The following XKR6 variants were observed in gnomAD, a reference collection of about 807,000 sequenced individuals.
XKR6 encodes the protein XK related 6.
A neutral mutation model predicts 56.7 loss-of-function variants in XKR6; 22 were observed. That is an observed-to-expected ratio of 0.39 (90% CI 0.28 to 0.55). XKR6 has a LOEUF of 0.55. XKR6 is among the 20% of genes least tolerant of loss of function. XKR6 has a pLI of 0.66. For missense variants in XKR6, 852 were observed against 889.0 expected, an observed-to-expected ratio of 0.96 and a Z score of 0.53; for synonymous variants, 524 against 387.8, an observed-to-expected ratio of 1.35 and a Z score of -4.13.
intron 1 of XKR6, among the ~76,000 whole-genome samples, chr8:11,153,717 T>A (rs73530525): frequency 0.026 from 3,988 of 152,328 alleles, 74 homozygotes; most frequent in African/African-American, 0.05. Context: ...CTTTTGAATA[T>A]CTCAGTAATG....
intron 1 of XKR6, among the ~76,000 whole-genome samples, chr8:11,185,220 A>G (rs1472552858): frequency 6.6e-6 from 1 of 152,202 alleles, no homozygotes; most frequent in African/African-American, 2.4e-5. Flanking sequence ...ACCAGGTGGA[A>G]TAAGTGGGTA....
intron 1 of XKR6, among the ~76,000 whole-genome samples, chr8:11,130,150 A>C (rs1031185784): frequency 1.3e-5 from 2 of 152,132 alleles, no homozygotes; most frequent in Non-Finnish European, 1.5e-5. Context: ...TTTGGCATTT[A>C]AGGAAATAAC....
chr8:11,015,610 T>C (rs577134301), intron 1 of XKR6, among the ~76,000 whole-genome samples: 1 of 152,296 alleles, frequency 6.6e-6, no homozygotes, highest in East Asian at 1.9e-4. Context: ...TCTGGGCTTC[T>C]CCGGCCTCAG....
At chr8:11,052,861 G>C (rs1359428261) in intron 1 of XKR6, among the ~76,000 whole-genome samples, 1 of 152,118 alleles carries the variant, frequency 6.6e-6, no homozygotes, top group Non-Finnish European at 1.5e-5. Flanking sequence ...CCCTAGCAGG[G>C]GCTAAACTCT....
chr8:11,035,928 C>T (rs1327453702), intron 1 of XKR6, among the ~76,000 whole-genome samples: 1 of 150,194 alleles, frequency 6.7e-6, no homozygotes, highest in African/African-American at 2.5e-5. Context: ...AGTTGAGTTA[C>T]CTGTGAAAGT....
chr8:11,074,066 G>C (rs576813816), intron 1 of XKR6, among the ~76,000 whole-genome samples: 1 of 152,362 alleles, frequency 6.6e-6, no homozygotes, highest in African/African-American at 2.4e-5. Flanking sequence ...AGGAATTGGA[G>C]ACTTTCAGTT....
intron 1 of XKR6, among the ~76,000 whole-genome samples, chr8:10,976,138 T>C (rs1209345960): frequency 6.6e-6 from 1 of 151,518 alleles, no homozygotes; most frequent in Non-Finnish European, 1.5e-5. Context: ...ATCGTGCCAC[T>C]GCACTCCAGC....
intron 1 of XKR6, among the ~76,000 whole-genome samples, chr8:11,000,676 C>T (rs568902817): frequency 6.6e-6 from 1 of 152,226 alleles, no homozygotes; most frequent in East Asian, 1.9e-4. Context: ...GAGAGCCAGA[C>T]TCTATCTCAA....
intron 1 of XKR6, among the ~76,000 whole-genome samples, chr8:11,087,843 C>T (rs764759738): frequency 6.6e-6 from 1 of 152,126 alleles, no homozygotes; most frequent in Non-Finnish European, 1.5e-5. Flanking sequence ...TAGAAATGCT[C>T]GAGGAGAAGG....
At chr8:10,921,649 G>A (rs945829229) in intron 2 of XKR6, among the ~76,000 whole-genome samples, 2 of 152,164 alleles carry the variant, frequency 1.3e-5, no homozygotes, top group Non-Finnish European at 2.9e-5. Flanking sequence ...TATAAGTGGT[G>A]ACCAGGTCCT....
chr8:11,001,638 G>A (rs1226980342), intron 1 of XKR6, among the ~76,000 whole-genome samples: 1 of 152,202 alleles, frequency 6.6e-6, no homozygotes, highest in East Asian at 1.9e-4. Context: ...CCCCATTCCT[G>A]GAGATGAGGG....
chr8:10,996,165 G>T (rs897816172), intron 1 of XKR6, among the ~76,000 whole-genome samples: 10 of 152,132 alleles, frequency 6.6e-5, no homozygotes, highest in African/African-American at 2.4e-4. Context: ...AACTTCTCAG[G>T]TCAATAATCT....
At chr8:11,072,978 A>T (rs1181017018) in intron 1 of XKR6, among the ~76,000 whole-genome samples, 1 of 151,948 alleles carries the variant, frequency 6.6e-6, no homozygotes, top group Non-Finnish European at 1.5e-5. Context: ...TCAACCTGGG[A>T]GGCGGAGGGT....
At position 11,005,914 on chromosome 8, in the gene XKR6, G is replaced by T. The variant is rs1038021729; in HGVS notation, c.765-81084C>A. On this transcript the variant is annotated intron_variant, in intron 1 of 2. Coordinates refer to ENST00000416569, the MANE Select transcript of XKR6 (RefSeq NM_173683.4). ...GCTAGAGCATAGTGGCACATTCTCAGCTCACTGCACAGTCTGCCTTCTGGG... is the reference window on the plus strand; with the variant it reads ...GCTAGAGCATAGTGGCACATTCTCATCTCACTGCACAGTCTGCCTTCTGGG... Among the ~76,000 whole-genome samples the T allele has an allele frequency of 2.1e-5, 3 of 140,358 alleles. No homozygotes were observed. The East Asian group carries it at 6.1e-4, about 29-fold the overall frequency. 92.1% of individuals were successfully genotyped at this position (140,358 alleles called of 152,430 possible).
At chr8:11,022,638 C>T (rs758086013) in intron 1 of XKR6, among the ~76,000 whole-genome samples, 5 of 152,132 alleles carry the variant, frequency 3.3e-5, no homozygotes, top group East Asian at 1.9e-4. Flanking sequence ...TCCATCCCTA[C>T]GACCCACAGA....
chr8:10,951,583 G>T (rs776516118), intron 1 of XKR6, among the ~76,000 whole-genome samples: 1 of 152,210 alleles, frequency 6.6e-6, no homozygotes, highest in Non-Finnish European at 1.5e-5. Context: ...GCACTTCCCC[G>T]GACTTCAGGG....
chr8:11,172,457 A>G (rs546836185), intron 1 of XKR6, among the ~76,000 whole-genome samples: 14 of 152,202 alleles, frequency 9.2e-5, no homozygotes, highest in Admixed American at 2.0e-4. Context: ...ACATAACGTT[A>G]TATCAGTTTG....
chr8:10,996,495 G>A (rs1798116163), intron 1 of XKR6, among the ~76,000 whole-genome samples: 1 of 152,176 alleles, frequency 6.6e-6, no homozygotes, highest in Non-Finnish European at 1.5e-5. Flanking sequence ...CTAAGAGCAA[G>A]AAAGAAAATT....
intron 1 of XKR6, among the ~76,000 whole-genome samples, chr8:11,160,021 G>T (rs1801715611): frequency 6.6e-6 from 1 of 152,182 alleles, no homozygotes; most frequent in Non-Finnish European, 1.5e-5. Context: ...CTGCTGATAT[G>T]TGAGATATTA....
Sources: allele counts gnomAD v4.1 joint callset (sites outside exome capture counted in the v4.1 genomes callset), GRCh38; gene constraint gnomAD v4.1.1; transcripts MANE v1.5; gene names NCBI Gene and HGNC (gene_info 2026-07-23, HGNC 2026-07-21).